Variants in TMEM230 observed in about 807,000 individuals in gnomAD.
The protein encoded by TMEM230 is UPF0414 transmembrane protein C20orf30.
TMEM230 carries 10 observed loss-of-function variants against 15.8 expected under a neutral mutation model. That is an observed-to-expected ratio of 0.63 (90% CI 0.39 to 1.07). The LOEUF is 1.07. Among genes scored for constraint, TMEM230 ranks in the 50% least tolerant of loss-of-function variants. The pLI is 0.01. For synonymous variants in TMEM230, 67 were observed against 76.9 expected (o/e 0.87, Z 0.68); for missense variants, 165 against 193.3 (o/e 0.85, Z 0.87).
chr20:5,084,226 A>ATTT lies in TMEM230; in HGVS notation c.223-14880_223-14878dup, dbSNP rs71332870. 4.0e-4 allele frequency among the ~76,000 whole-genome samples: 57 copies of ATTT among 142,460 alleles called. 1 individual carries two copies. Among genetic ancestry groups the ATTT allele is most frequent in the South Asian group, 3.1e-3 (14 of 4,518 alleles). 93.5% of individuals were successfully genotyped at this position (142,460 alleles called of 152,430 possible). On this transcript the variant is annotated intron_variant, in intron 3 of 3. Transcript: ENST00000612323. ...TATGGCTGCATAATATTCTATTTTA[A>ATTT]TTTTTTTTTTTTTTTGAGACGGAGT...
the TMEM230 span, among the ~76,000 whole-genome samples, chr20:5,063,045 T>A: frequency 2.6e-5 from 4 of 152,082 alleles, no homozygotes; most frequent in African/African-American, 9.7e-5. Flanking sequence ...GACTCCAGTG[T>A]CTTCAGAGAT....
At chr20:5,091,746 C>A (rs1250260735) in intron 3 of TMEM230, among the ~76,000 whole-genome samples, 1 of 151,950 alleles carries the variant, frequency 6.6e-6, no homozygotes, top group East Asian at 1.9e-4. Flanking sequence ...AAAGCTATGT[C>A]CGTAGTAGAT....
In TMEM230 at chr20:5,109,429, A is replaced by G. The variant is rs141394228; in HGVS notation, c.191T>C (p.Met64Thr). The G allele has an allele frequency of 1.2e-3, 1,901 of 1,613,810 alleles. 2 individuals are homozygous for G. The highest frequency in any genetic ancestry group is 1.5e-3 in the Non-Finnish European group (1,718 of 1,179,760). Residue 64 changes from methionine to threonine, a missense_variant, in exon 3 of 5, where the codon ATG becomes ACG. Met to Thr is a moderately conservative substitution (Grantham distance 81). Coordinates refer to ENST00000342308, the MANE Select transcript of TMEM230 (RefSeq NM_001009923.2). ...AGCCAGGTTGGTACGGGACGGCATC[A>G]TAACACGCTGACACAGCTACAGTTT...
chr20:5,067,459 A>ATG (rs1379712330), downstream of TMEM230: 7 of 126,870 alleles, frequency 5.5e-5, no homozygotes, highest in African/African-American at 1.8e-4. Flanking sequence ...ATATATATAT[A>ATG]TTTTAAGACA....
chr20:5,102,601 G>A (rs1201677245), intron 4 of TMEM230, among the ~76,000 whole-genome samples: 3 of 151,156 alleles, frequency 2.0e-5, no homozygotes, highest in Non-Finnish European at 2.9e-5. Context: ...TGAGGTGGCA[G>A]GATCACATAA....
downstream of TMEM230, chr20:5,067,149 G>A (rs2088669621): frequency 6.6e-6 from 1 of 151,944 alleles, no homozygotes; most frequent in East Asian, 1.9e-4. Context: ...CTGCAGAGCT[G>A]GGTAAAAGAT....
chr20:5,112,961 C>A lies in TMEM230; in HGVS notation c.68G>T (p.Arg23Leu). The A allele has an allele frequency of 1.3e-6, 2 of 1,550,228 alleles. No individual in the cohort carries two copies. Among genetic ancestry groups the A allele is most frequent in the South Asian group, 2.4e-5 (2 of 84,082 alleles). ...CCGCCCTGCCGCACACACGCCTTAC[C>A]GGAGCGCCGCGCCAGGCCGCCCGCA... The change falls in exon 1 of 5, where the codon CGA (arginine) becomes CTA (leucine). Residue 23 changes from arginine to leucine, a missense_variant and splice_region_variant. Physicochemically the swap from Arg to Leu is moderately radical, Grantham distance 102. Coordinates refer to ENST00000342308, the MANE Select transcript of TMEM230 (RefSeq NM_001009923.2).
chr20:5,067,088 T>C (rs566100493), downstream of TMEM230: 33 of 152,040 alleles, frequency 2.2e-4, no homozygotes, highest in Admixed American at 1.9e-3. Context: ...AAAGGTGCAT[T>C]GAAGTGCAGA....
At position 5,110,823 on chromosome 20, in the gene TMEM230, AT is replaced by A. The variant is rs777863217; in HGVS notation, c.174+676del. 7.2e-5 allele frequency among the ~76,000 whole-genome samples: 11 copies of A among 152,364 alleles called. No individual in the cohort carries two copies. In the South Asian group the frequency reaches 2.3e-3, roughly 32 times the overall value. On this transcript the variant is annotated intron_variant, in intron 2 of 4. Coordinates refer to ENST00000342308, the MANE Select transcript of TMEM230 (RefSeq NM_001009923.2). ...AGACAGCAGTAATGAAATCATGGCT[AT>A]TATGTCACTAGTTTAAGAGACAGTG...
chr20:5,067,637 T>G (rs1600254948), downstream of TMEM230, among the ~76,000 whole-genome samples: 2 of 149,732 alleles, frequency 1.3e-5, no homozygotes, highest in South Asian at 4.2e-4. Context: ...AGAGGCAGGG[T>G]TTCACTATGT....
At chr20:5,101,081 T>C (rs2089841561) in intron 4 of TMEM230, 150 bp from the exon 4 acceptor site, 1 of 988,012 alleles carries the variant, frequency 1.0e-6, no homozygotes, top group Non-Finnish European at 1.4e-6. Context: ...GGTTTCCTCC[T>C]GATTATAAAT....
chr20:5,064,168 G>A (rs2088630820), downstream of TMEM230, among the ~76,000 whole-genome samples: 1 of 152,142 alleles, frequency 6.6e-6, no homozygotes, highest in South Asian at 2.1e-4. Context: ...TCGGGAGGCT[G>A]AGGCAGGAGA....
At position 5,075,194 on chromosome 20, in the gene TMEM230, T is replaced by A. The variant is rs902101601; in HGVS notation, c.223-5845A>T. Among the ~76,000 whole-genome samples the A allele has an allele frequency of 9.2e-5, 14 of 151,726 alleles. No homozygotes were observed. The East Asian group carries it at 2.8e-3, about 30-fold the overall frequency. ...GATTCTCCTGCCTCAGCCTCCTGAG[T>A]AGCTGGGATTATAGGCATACGCCAC... On this transcript the variant is annotated intron_variant, in intron 3 of 3. Transcript: ENST00000612323.
downstream of TMEM230, among the ~76,000 whole-genome samples, chr20:5,098,963 C>G (rs2089747283): frequency 1.3e-5 from 2 of 151,896 alleles, no homozygotes; most frequent in African/African-American, 4.8e-5. Context: ...CACTCCATGC[C>G]CAAATGTTTA....
chr20:5,084,377 C>A (rs972232977), intron 3 of TMEM230, among the ~76,000 whole-genome samples: 32 of 151,830 alleles, frequency 2.1e-4, no homozygotes, highest in African/African-American at 7.7e-4. Context: ...GCGTACGCCA[C>A]CACGCCTGGC....
chr20:5,085,526 T>C (rs2089309561), intron 3 of TMEM230, among the ~76,000 whole-genome samples: 2 of 152,148 alleles, frequency 1.3e-5, no homozygotes, highest in East Asian at 3.8e-4. Flanking sequence ...TCACCTCAAG[T>C]GACCTGCTCG....
At chr20:5,105,501 G>A (rs1198431909) in intron 4 of TMEM230, among the ~76,000 whole-genome samples, 1 of 151,712 alleles carries the variant, frequency 6.6e-6, no homozygotes, top group African/African-American at 2.4e-5. Flanking sequence ...TGAGGCACAA[G>A]AATAGCATGA....
At chr20:5,084,641 T>C (rs2089283781) in intron 3 of TMEM230, among the ~76,000 whole-genome samples, 1 of 151,908 alleles carries the variant, frequency 6.6e-6, no homozygotes, top group African/African-American at 2.4e-5. Flanking sequence ...TTCAAGCGAT[T>C]CTCTCCCTCA....
chr20:5,112,260 A>T (rs2090356589), intron 1 of TMEM230, among the ~76,000 whole-genome samples: 2 of 152,256 alleles, frequency 1.3e-5, no homozygotes, highest in Non-Finnish European at 2.9e-5. Flanking sequence ...TCAAGTATTT[A>T]AAAATTAGCA....
Sources: gnomAD v4.1 joint callset for allele counts (sites outside exome capture counted in the v4.1 genomes callset) on GRCh38, gnomAD v4.1.1 for gene constraint, MANE v1.5 for transcripts, NCBI Gene and HGNC (gene_info 2026-07-23, HGNC 2026-07-21) for gene names.